Variants in SLX4IP observed in about 807,000 individuals in gnomAD.
SLX4IP encodes SLX4 interacting protein, also known as protein SLX4IP.
In SLX4IP, 34 loss-of-function variants were observed where a neutral mutation model predicts 32.9. The observed-to-expected ratio is 1.03, with a 90% CI of 0.79 to 1.38. SLX4IP has a LOEUF of 1.38. Among genes scored for constraint, SLX4IP ranks in the 40% most tolerant of loss-of-function variants. The pLI is 0.00. For synonymous variants in SLX4IP, 172 were observed against 171.7 expected (o/e 1.00, Z -0.01); for missense variants, 444 against 479.0 (o/e 0.93, Z 0.68).
At chr20:10,551,143 C>T (rs1422100660) in intron 2 of SLX4IP, among the ~76,000 whole-genome samples, 4 of 152,174 alleles carry the variant, frequency 2.6e-5, no homozygotes, top group African/African-American at 7.2e-5. Flanking sequence ...GACCTCCCAC[C>T]TCCGAGGACT....
At chr20:10,610,625 G>A (rs2066955347) in intron 6 of SLX4IP, among the ~76,000 whole-genome samples, 1 of 152,226 alleles carries the variant, frequency 6.6e-6, no homozygotes, top group African/African-American at 2.4e-5. Context: ...GCTAGCCCCT[G>A]TGCCAAGTGT....
At position 10,626,364 on chromosome 20, in the gene SLX4IP, T is replaced by G. The variant is rs1384936263; in HGVS notation, c.*2985T>G. On this transcript the variant is annotated 3_prime_UTR_variant, in exon 8 of 8. Transcript: ENST00000334534. ...GACATTCTTAATGATCTTAATAATT[T>G]GGCATCTGAAAGTCTGAAACAGTGT... The G allele has an allele frequency of 6.6e-6, 1 of 151,978 alleles. No homozygotes were observed. Among genetic ancestry groups the G allele is most frequent in the East Asian group, 1.9e-4 (1 of 5,182 alleles). The allele number at this position is 151,978 out of a possible 1,614,324, so 9.4% of individuals were successfully genotyped here. A position where few individuals can be genotyped will look rare whatever the true frequency, so the allele number is the denominator to read the frequency against.
At chr20:10,551,538 G>A (rs1568736209) in intron 2 of SLX4IP, among the ~76,000 whole-genome samples, 1 of 152,188 alleles carries the variant, frequency 6.6e-6, no homozygotes, top group Non-Finnish European at 1.5e-5. Flanking sequence ...GGCTGGTAGT[G>A]TGTTGGTCAC....
At chr20:10,572,690 G>A (rs1344501968) in intron 4 of SLX4IP, among the ~76,000 whole-genome samples, 2 of 152,066 alleles carry the variant, frequency 1.3e-5, no homozygotes, top group South Asian at 4.1e-4. Context: ...ATTTTCCTGG[G>A]TACTGTGGTT....
rs539647244 is a variant in SLX4IP, at chr20:10,577,662, C to G, written c.238+16842C>G. On this transcript the variant is annotated intron_variant, in intron 4 of 7. Coordinates refer to ENST00000334534, the MANE Select transcript of SLX4IP (RefSeq NM_001009608.3). ...CTTGAGCCCAGGAATTCGAGGCTGC[C>G]GTGATCTATGATCATACCACTGTAC... 1.5e-4 allele frequency among the ~76,000 whole-genome samples: 23 copies of G among 152,156 alleles called. 1 individual carries two copies. Among genetic ancestry groups the G allele is most frequent in the African/African-American group, 2.4e-5 (1 of 41,438 alleles).
intron 1 of SLX4IP, among the ~76,000 whole-genome samples, chr20:10,447,887 T>A (rs1368179837): frequency 6.3e-4 from 84 of 133,416 alleles, no homozygotes; most frequent in African/African-American, 1.9e-3. Context: ...TTTTTTTTTT[T>A]AGAGATAGGG....
intron 2 of SLX4IP, among the ~76,000 whole-genome samples, chr20:10,526,157 C>G (rs988712400): frequency 6.6e-6 from 1 of 152,204 alleles, no homozygotes; most frequent in Non-Finnish European, 1.5e-5. Context: ...TGTTCACACT[C>G]TTCCCATAGA....
intron 4 of SLX4IP, among the ~76,000 whole-genome samples, chr20:10,579,582 T>C (rs2066560796): frequency 6.6e-6 from 1 of 152,054 alleles, no homozygotes; most frequent in South Asian, 2.1e-4. Flanking sequence ...TCCGCCACCA[T>C]GCCCAGCTAA....
intron 2 of SLX4IP, among the ~76,000 whole-genome samples, chr20:10,478,390 A>G (rs975222441): frequency 6.6e-6 from 1 of 152,154 alleles, no homozygotes. Flanking sequence ...ACAGGCAGTG[A>G]GATTGAGTAA....
At chr20:10,559,028 A>G (rs1023619438) in intron 3 of SLX4IP, among the ~76,000 whole-genome samples, 7 of 152,210 alleles carry the variant, frequency 4.6e-5, no homozygotes, top group Non-Finnish European at 8.8e-5. Context: ...TTTATAGCCA[A>G]ATTTTAGCAA....
chr20:10,436,145 G>T (rs909884310), intron 1 of SLX4IP, among the ~76,000 whole-genome samples: 2 of 152,036 alleles, frequency 1.3e-5, no homozygotes, highest in Non-Finnish European at 2.9e-5. Flanking sequence ...AAGCCAGTTG[G>T]CTAGCGTTAA....
chr20:10,543,643 C>T (rs1178641277), intron 2 of SLX4IP, among the ~76,000 whole-genome samples: 2 of 152,118 alleles, frequency 1.3e-5, no homozygotes, highest in African/African-American at 4.8e-5. Flanking sequence ...TCTGGTGTCC[C>T]AAGAAATCAA....
intron 4 of SLX4IP, among the ~76,000 whole-genome samples, chr20:10,583,977 G>A (rs1198503320): frequency 6.6e-6 from 1 of 152,142 alleles, no homozygotes; most frequent in Non-Finnish European, 1.5e-5. Context: ...CTAAGTCTAT[G>A]TAAGATCTAA....
chr20:10,535,561 A>T (rs945392814), intron 2 of SLX4IP, among the ~76,000 whole-genome samples: 6 of 152,150 alleles, frequency 3.9e-5, no homozygotes, highest in Non-Finnish European at 5.9e-5. Flanking sequence ...AGCTCAGGTG[A>T]TCCACCTCCT....
At chr20:10,463,646 A>G (rs1246939458) in intron 2 of SLX4IP, among the ~76,000 whole-genome samples, 1 of 152,242 alleles carries the variant, frequency 6.6e-6, no homozygotes, top group African/African-American at 2.4e-5. Flanking sequence ...TAGGCCTGTC[A>G]GGTAGCATGG....
chr20:10,617,365 G>A (rs1264939648), intron 6 of SLX4IP, among the ~76,000 whole-genome samples: 1 of 152,120 alleles, frequency 6.6e-6, no homozygotes. Flanking sequence ...CTCCCTCTGT[G>A]CCTCTGATGC....
intron 1 of SLX4IP, among the ~76,000 whole-genome samples, chr20:10,436,270 C>T (rs1432503103): frequency 6.6e-6 from 1 of 152,188 alleles, no homozygotes. Flanking sequence ...CACCCCAGAG[C>T]TGCTGAATCA....
intron 4 of SLX4IP, among the ~76,000 whole-genome samples, chr20:10,561,553 T>C (rs2066333006): frequency 6.6e-6 from 1 of 150,908 alleles, no homozygotes; most frequent in Non-Finnish European, 1.5e-5. Flanking sequence ...TTCTTTTTTT[T>C]TTTTTGGTTA....
At chr20:10,557,245 T>A (rs867716433) in intron 3 of SLX4IP, among the ~76,000 whole-genome samples, 81 of 152,324 alleles carry the variant, frequency 5.3e-4, no homozygotes, top group African/African-American at 1.7e-3. Flanking sequence ...TTTAATTAGC[T>A]TTTGGAGCTC....
Sources: gnomAD v4.1 joint callset for allele counts (sites outside exome capture counted in the v4.1 genomes callset) on GRCh38, gnomAD v4.1.1 for gene constraint, MANE v1.5 for transcripts, NCBI Gene and HGNC (gene_info 2026-07-23, HGNC 2026-07-21) for gene names.